The following ZNF841 variants were observed in gnomAD, a reference collection of about 807,000 sequenced individuals.
ZNF841 encodes the protein zinc finger protein 841.
Under a neutral mutation model 13.0 loss-of-function variants are expected in ZNF841, and 11 were observed. The ratio of observed to expected loss-of-function variants is 0.85; its 90% confidence interval spans 0.53 to 1.40. The LOEUF is 1.40. Among genes scored for constraint, ZNF841 ranks in the 40% most tolerant of loss-of-function variants. The probability of loss-of-function intolerance (pLI) is 0.00; values close to 1 mark genes in which losing one functional copy is unlikely to be tolerated. For missense variants in ZNF841, 1,068 were observed against 1,139.5 expected, an observed-to-expected ratio of 0.94 and a Z score of 0.90; for synonymous variants, 369 against 381.6, an observed-to-expected ratio of 0.97 and a Z score of 0.38.
intron 4 of ZNF841, among the ~76,000 whole-genome samples, chr19:52,082,383 A>C (rs1015802609): frequency 3.9e-5 from 6 of 152,228 alleles, no homozygotes; most frequent in African/African-American, 1.4e-4. Context: ...TATAATCTGA[A>C]ACTTTAAAAG....
intron 4 of ZNF841, 80 bp from the exon 5 acceptor site, chr19:52,077,164 C>G: frequency 6.9e-7 from 1 of 1,439,258 alleles, no homozygotes; most frequent in Non-Finnish European, 9.3e-7. Context: ...AGAGAACTGT[C>G]ACATCAATTT....
intron 6 of ZNF841, among the ~76,000 whole-genome samples, chr19:52,072,572 T>G (rs1214660089): frequency 6.6e-6 from 1 of 152,220 alleles, no homozygotes; most frequent in African/African-American, 2.4e-5. Flanking sequence ...GCCGGTGTGG[T>G]GGCTCACGCC....
intron 6 of ZNF841, among the ~76,000 whole-genome samples, chr19:52,072,577 C>T (rs1249820877): frequency 6.6e-6 from 1 of 152,146 alleles, no homozygotes. Context: ...TGTGGTGGCT[C>T]ACGCCTGTAA....
Position 52,065,043 on chromosome 19 carries a change from T to C in ZNF841, c.*64A>G, listed in dbSNP as rs573699534. On this transcript the variant is annotated 3_prime_UTR_variant, in exon 7 of 7. Transcript: ENST00000594440. The stretch of plus-strand genomic sequence containing the variant: ...CTCCACCTCCAATACTGGAGATTAC[T>C]ACAATTCCACATGAGACTTCAAAGG... 1.4e-5 allele frequency: 19 copies of C among 1,374,294 alleles called. No homozygotes were observed. The African/African-American group carries it at 2.6e-4, about 19-fold the overall frequency. The allele number at this position is 1,374,294 out of a possible 1,614,324, so 85.1% of individuals were successfully genotyped here. A position where few individuals can be genotyped will look rare whatever the true frequency, so the allele number is the denominator to read the frequency against.
chr19:52,091,762 A>C (rs140318907), intron 2 of ZNF841, among the ~76,000 whole-genome samples: 2 of 152,352 alleles, frequency 1.3e-5, no homozygotes, highest in East Asian at 3.9e-4. Context: ...GCTCCTTGAC[A>C]TTGATCTTGG....
rs1374335230 is a variant in ZNF841 at position 52,066,852 on chromosome 19, G to A, written c.1030C>T (p.Pro344Ser). The change falls in exon 7 of 7, where the codon CCC becomes TCC. Residue 344 changes from proline (P) to serine (S), a missense_variant. Physicochemically the swap from Pro to Ser is moderately conservative, Grantham distance 74. Coordinates refer to ENST00000594440, the MANE Select transcript of ZNF841 (RefSeq NM_001136499.2). ...NHRRSHTGDK[P>S]YICNECGKSF... ...TTGCCACATTCATTACATATGTAGGGTTTGTCTCCAGTGTGACTTCTCCGG... is the reference window on the plus strand; with the variant it reads ...TTGCCACATTCATTACATATGTAGGATTTGTCTCCAGTGTGACTTCTCCGG... The A allele has an allele frequency of 3.1e-6, 5 of 1,614,150 alleles. No homozygotes were observed. The highest frequency in any genetic ancestry group is 1.7e-5 in the Admixed American group (1 of 60,012).
intron 1 of ZNF841, among the ~76,000 whole-genome samples, chr19:52,094,890 CT>C (rs1446366933): frequency 6.6e-6 from 1 of 152,116 alleles, no homozygotes; most frequent in East Asian, 1.9e-4. Context: ...TTTTCTCCCC[CT>C]GCTACTTTTT....
Position 52,065,100 on chromosome 19 carries a change from G to A in ZNF841, c.*7C>T, listed in dbSNP as rs757297399. ...ACAAATATACAAGCTATATGAGTAA[G>A]TATAAATTATTTGGGGATCCCAGAG... is the stretch of plus-strand genomic sequence containing the variant. On this transcript the variant is annotated 3_prime_UTR_variant, in exon 7 of 7. Coordinates refer to ENST00000594440, the MANE Select transcript of ZNF841 (RefSeq NM_001136499.2). 5.3e-6 allele frequency: 8 copies of A among 1,496,786 alleles called. No homozygotes were observed. Among genetic ancestry groups the A allele is most frequent in the Non-Finnish European group, 4.4e-6 (5 of 1,124,512 alleles). 92.7% of individuals were successfully genotyped at this position (1,496,786 alleles called of 1,614,324 possible).
rs2123200994 is a variant in ZNF841, at chr19:52,065,322, A to G, written c.2560T>C (p.Cys854Arg). 1.9e-6 allele frequency: 3 copies of G among 1,611,022 alleles called. No individual in the cohort carries two copies. Among genetic ancestry groups the G allele is most frequent in the Admixed American group, 3.4e-5 (2 of 59,140 alleles). The change falls in exon 7 of 7, where the codon TGT (cysteine) becomes CGT (arginine). Residue 854 changes from cysteine to arginine, a missense_variant. Transcript: ENST00000594440. The stretch of plus-strand genomic sequence containing the variant: ...GACCGCCGCCCAAACGCCTTGCCAC[A>G]TTCCATACATTTGTATGGCTTCTCT... ...TGEKPYKCME[C>R]GKAFGRRSCL...
chr19:52,080,974 A>G (rs1464487597), intron 4 of ZNF841, among the ~76,000 whole-genome samples: 1 of 152,240 alleles, frequency 6.6e-6, no homozygotes, highest in East Asian at 1.9e-4. Context: ...CAGTCCATAA[A>G]AAGAAACCAA....
chr19:52,066,462 C>T lies in ZNF841; in HGVS notation c.1420G>A (p.Gly474Arg). 1.9e-6 allele frequency: 3 copies of T among 1,612,950 alleles called. No individual in the cohort carries two copies. The South Asian group carries it at 3.3e-5, about 18-fold the overall frequency. The change falls in exon 7 of 7, where the codon GGG becomes AGG. Residue 474 changes from glycine (G) to arginine (R), a missense_variant. Coordinates refer to ENST00000594440, the MANE Select transcript of ZNF841 (RefSeq NM_001136499.2). Reference protein sequence around the residue: ...KVFFQRSRLAGHRRIHTGEKP... With the variant: ...KVFFQRSRLARHRRIHTGEKP... The stretch of plus-strand genomic sequence containing the variant: ...TCTCCAGTATGAATTCTCCGGTGCC[C>T]TGCAAGACGTGAACGTTGAAAGAAG...
chr19:52,087,062 G>A (rs2088299743), intron 3 of ZNF841, among the ~76,000 whole-genome samples: 1 of 152,192 alleles, frequency 6.6e-6, no homozygotes, highest in African/African-American at 2.4e-5. Flanking sequence ...GGAAACTAGA[G>A]GCTTTAGGGT....
chr19:52,077,266 T>G (rs534156879), intron 4 of ZNF841, among the ~76,000 whole-genome samples, 182 bp from the exon 5 acceptor site: 6 of 152,314 alleles, frequency 3.9e-5, no homozygotes, highest in African/African-American at 1.4e-4. Context: ...AATAGGAGAT[T>G]AGGATATTAT....
rs1160661989 is a variant in ZNF841, at chr19:52,067,219, T to G, written c.663A>C (p.Ser221=). The G allele has an allele frequency of 6.5e-7, 1 of 1,549,690 alleles. No homozygotes were observed. The highest frequency in any genetic ancestry group is 2.4e-5 in the East Asian group (1 of 40,908). The stretch of plus-strand genomic sequence containing the variant: ...CACCAGGAAAAATTCTTTGAAGTGG[T>G]GAAGCTAAAAAACAATTATTAACTG... ...ERTVNNCFLA[S]PLQRIFPGVQ... is the part of the protein sequence containing the mutation. The change falls in exon 7 of 7, where the codon TCA becomes TCC. Residue 221 remains serine, a synonymous_variant. Coordinates refer to ENST00000594440, the MANE Select transcript of ZNF841 (RefSeq NM_001136499.2).
At chr19:52,085,141 C>G (rs956443519) in intron 3 of ZNF841, among the ~76,000 whole-genome samples, 2 of 152,188 alleles carry the variant, frequency 1.3e-5, no homozygotes, top group African/African-American at 4.8e-5. Context: ...GGACACAGAC[C>G]CATCCCTGAT....
chr19:52,089,895 C>T (rs1419859736), intron 2 of ZNF841, among the ~76,000 whole-genome samples: 1 of 152,142 alleles, frequency 6.6e-6, no homozygotes, highest in Non-Finnish European at 1.5e-5. Flanking sequence ...CATGAACAAA[C>T]TAGGCTAAAA....
chr19:52,065,665 A>G lies in ZNF841; in HGVS notation c.2217T>C (p.Cys739=), dbSNP rs145937341. Residue 739 remains cysteine (C), a synonymous_variant, in exon 7 of 7, where the codon TGT becomes TGC. Transcript: ENST00000594440. ...RRHTGEMPYK[C]IECGKVFNST... ...AGTTAAAGACTTTCCCACATTCAAT[A>G]CATTTGTATGGCATCTCTCCAGTAT... 1 of 1,604,684 alleles carries G rather than the reference A, an allele frequency of 6.2e-7. No individual in the cohort carries two copies. The highest frequency in any genetic ancestry group is 1.3e-5 in the African/African-American group (1 of 74,832).
intron 4 of ZNF841, among the ~76,000 whole-genome samples, chr19:52,082,837 T>C (rs550280448): frequency 6.6e-6 from 1 of 152,236 alleles, no homozygotes; most frequent in African/African-American, 2.4e-5. Flanking sequence ...TCCCAGCACT[T>C]TGGGAGGCTG....
chr19:52,072,557 CTT>C (rs2087768646), intron 6 of ZNF841, among the ~76,000 whole-genome samples: 1 of 152,126 alleles, frequency 6.6e-6, no homozygotes, highest in Admixed American at 6.5e-5. Context: ...ACAACATACT[CTT>C]AGGCCGGTGT....
Sources: gnomAD v4.1 joint callset for allele counts (sites outside exome capture counted in the v4.1 genomes callset) on GRCh38, gnomAD v4.1.1 for gene constraint, MANE v1.5 for transcripts, NCBI Gene and HGNC (gene_info 2026-07-23, HGNC 2026-07-21) for gene names.